Variants in LRRC1 observed in about 807,000 individuals in gnomAD.
LRRC1 encodes the protein leucine rich repeat containing 1, also known as leucine-rich repeat-containing protein 1.
Under a neutral mutation model 69.9 loss-of-function variants are expected in LRRC1, and 28 were observed. That is an observed-to-expected ratio of 0.40 (90% CI 0.30 to 0.55). LRRC1 has a LOEUF of 0.55. Ranked by LOEUF, LRRC1 falls within the 20% of genes least tolerant of loss-of-function variation. The pLI, the probability that LRRC1 is intolerant of heterozygous loss-of-function variation, is 0.47. For synonymous variants in LRRC1, 236 were observed against 240.2 expected (o/e 0.98, Z 0.16); for missense variants, 498 against 609.0 (o/e 0.82, Z 1.92).
intron 1 of LRRC1, among the ~76,000 whole-genome samples, chr6:53,837,972 T>A (rs1362135193): frequency 6.6e-6 from 1 of 152,006 alleles, no homozygotes; most frequent in African/African-American, 2.4e-5. Context: ...CATGGTAGAG[T>A]TGAAGAATGG....
In LRRC1 at chr6:53,899,763, A is replaced by G. The variant is rs781464059; in HGVS notation, c.659A>G (p.Lys220Arg). Residue 220 changes from lysine (K) to arginine (R), a missense_variant, in exon 8 of 14, where the codon AAG becomes AGG. By Grantham distance (26) the Lys-to-Arg change is conservative (BLOSUM62 2). Around this residue, in one of 3 missense-constraint regions of LRRC1, gnomAD observed 266 missense variants for 383.9 expected, o/e 0.69. Transcript: ENST00000370888. ...TTGTTATAGGAAATAGGAAATCTGA[A>G]GAACCTGCTGTGTTTAGATGTCTCT... The part of the protein sequence containing the change: ...SELPQEIGNL[K>R]NLLCLDVSEN... 8 of 1,613,710 alleles carry G rather than the reference A, an allele frequency of 5.0e-6. No homozygotes were observed. The South Asian group carries it at 8.8e-5, about 18-fold the overall frequency.
chr6:53,884,276 G>C (rs4265034), intron 4 of LRRC1: 144,247 of 386,956 alleles, frequency 0.37, 28,633 homozygotes, highest in East Asian at 0.64. Flanking sequence ...AGGCTGAGGT[G>C]GGAGGATTCC....
intron 1 of LRRC1, among the ~76,000 whole-genome samples, chr6:53,823,065 A>G (rs981496110): frequency 9.9e-5 from 15 of 152,188 alleles, no homozygotes; most frequent in Admixed American, 2.6e-4. Context: ...AAAATTCTCC[A>G]GGTCCCTTGA....
intron 2 of LRRC1, among the ~76,000 whole-genome samples, chr6:53,853,713 A>G (rs1181232601): frequency 2.0e-5 from 3 of 152,254 alleles, no homozygotes; most frequent in South Asian, 2.1e-4. Flanking sequence ...AAGCATTGCC[A>G]GAAGTGTAGT....
At chr6:53,858,599 A>AT (rs1270643176) in intron 2 of LRRC1, among the ~76,000 whole-genome samples, 4 of 152,194 alleles carry the variant, frequency 2.6e-5, no homozygotes, top group South Asian at 2.1e-4. Context: ...GAATGGAGTG[A>AT]TTTTTTAGGC....
chr6:53,839,128 T>C (rs1421354249), intron 1 of LRRC1, among the ~76,000 whole-genome samples: 1 of 152,116 alleles, frequency 6.6e-6, no homozygotes, highest in Non-Finnish European at 1.5e-5. Context: ...ATTTTTCTTA[T>C]TTGAAATGTA....
At chr6:53,845,205 A>G (rs1765904996) in intron 2 of LRRC1, among the ~76,000 whole-genome samples, 1 of 152,184 alleles carries the variant, frequency 6.6e-6, no homozygotes. Context: ...CTCCGTCTCA[A>G]ACAAACAAAA....
At chr6:53,900,342 G>T (rs1052102419) in intron 8 of LRRC1, among the ~76,000 whole-genome samples, 1 of 152,124 alleles carries the variant, frequency 6.6e-6, no homozygotes, top group Non-Finnish European at 1.5e-5. Context: ...CGGCCTTGCT[G>T]TTTGTTTTTA....
At chr6:53,857,289 T>C (rs938405610) in intron 2 of LRRC1, among the ~76,000 whole-genome samples, 2 of 152,002 alleles carry the variant, frequency 1.3e-5, no homozygotes, top group African/African-American at 2.4e-5. Flanking sequence ...AGAGGGGCCC[T>C]TGTAAGATTC....
chr6:53,818,566 A>G (rs1189345603), intron 1 of LRRC1, among the ~76,000 whole-genome samples: 1 of 152,202 alleles, frequency 6.6e-6, no homozygotes, highest in South Asian at 2.1e-4. Context: ...TATGTAAGAA[A>G]AGAAAGGCAG....
At chr6:53,800,220 G>A (rs958156009) in intron 1 of LRRC1, among the ~76,000 whole-genome samples, 9 of 144,530 alleles carry the variant, frequency 6.2e-5, no homozygotes, top group South Asian at 2.2e-4. Flanking sequence ...GGCAAGATCC[G>A]TTTATTTTAA....
chr6:53,814,023 A>G (rs1015708768), intron 1 of LRRC1, among the ~76,000 whole-genome samples: 1 of 152,132 alleles, frequency 6.6e-6, no homozygotes, highest in Non-Finnish European at 1.5e-5. Context: ...TTTGGCTCTC[A>G]TGGTTTGTTT....
intron 12 of LRRC1, 90 bp from the exon 13 acceptor site, chr6:53,920,533 GTA>G: frequency 6.9e-7 from 1 of 1,456,764 alleles, no homozygotes. Context: ...CTGGTCCTCC[GTA>G]TAGATTCTAC....
chr6:53,874,628 C>T (rs1048011613), intron 2 of LRRC1, among the ~76,000 whole-genome samples: 2 of 152,096 alleles, frequency 1.3e-5, no homozygotes, highest in African/African-American at 4.8e-5. Flanking sequence ...TGGAGCAAGA[C>T]ATCCATTTTT....
intron 2 of LRRC1, among the ~76,000 whole-genome samples, chr6:53,873,514 T>C (rs1439385526): frequency 2.0e-5 from 3 of 150,386 alleles, no homozygotes; most frequent in Non-Finnish European, 3.0e-5. Flanking sequence ...CTAGCCAGGA[T>C]GGTTTTGATC....
rs149201891 is a variant in LRRC1, at chr6:53,841,556, G to A, written c.160-554G>A. Reference sequence around the variant, plus strand: ...TTTTAATACAGTTTTTAAAAAGTATGGGGAAAGAGCATGTACTCAGTCTGC... The same window carrying A: ...TTTTAATACAGTTTTTAAAAAGTATAGGGAAAGAGCATGTACTCAGTCTGC... On this transcript the variant is annotated intron_variant, in intron 1 of 13. Transcript: ENST00000370888. Among the ~76,000 whole-genome samples, 300 of 152,196 alleles carry A rather than the reference G, an allele frequency of 2.0e-3. 4 individuals carry two copies. The East Asian group carries it at 0.041, about 21-fold the overall frequency.
At chr6:53,837,435 G>T (rs886698713) in intron 1 of LRRC1, among the ~76,000 whole-genome samples, 1 of 152,134 alleles carries the variant, frequency 6.6e-6, no homozygotes, top group African/African-American at 2.4e-5. Context: ...AGTAGGGATG[G>T]TATGAGAGTT....
At chr6:53,920,427 C>G in intron 12 of LRRC1, 198 bp from the exon 13 acceptor site, 1 of 518,590 alleles carries the variant, frequency 1.9e-6, no homozygotes, top group Non-Finnish European at 3.4e-6. Flanking sequence ...AACCTTGTCC[C>G]AGGCCTTTTT....
chr6:53,873,475 ATTT>A (rs1205667908), intron 2 of LRRC1, among the ~76,000 whole-genome samples: 1 of 119,326 alleles, frequency 8.4e-6, no homozygotes, highest in Non-Finnish European at 1.8e-5. Context: ...TTTTTTTTGT[ATTT>A]TTAGTGGAGA....
Sources: gnomAD v4.1 joint callset for allele counts (sites outside exome capture counted in the v4.1 genomes callset) on GRCh38, gnomAD v4.1.1 for gene constraint, gnomAD v4.1.1 regional missense constraint, MANE v1.5 for transcripts, NCBI Gene and HGNC (gene_info 2026-07-23, HGNC 2026-07-21) for gene names.